RCAN1: variants seen among roughly 807,000 people sequenced by gnomAD.
The protein encoded by RCAN1 is calcipressin-1.
RCAN1 carries 11 observed loss-of-function variants against 22.9 expected under a neutral mutation model. The ratio of observed to expected loss-of-function variants is 0.48; its 90% CI spans 0.30 to 0.79. RCAN1 has a LOEUF of 0.79. RCAN1 is among the 30% of genes least tolerant of loss of function. RCAN1 has a pLI of 0.06. For missense variants in RCAN1, 291 were observed against 337.8 expected, an observed-to-expected ratio of 0.86 and a Z score of 1.09; for synonymous variants, 136 against 142.3, an observed-to-expected ratio of 0.96 and a Z score of 0.32.
At chr21:34,534,315 G>A (rs1189347946) in intron 1 of RCAN1, among the ~76,000 whole-genome samples, 1 of 151,814 alleles carries the variant, frequency 6.6e-6, no homozygotes, top group African/African-American at 2.4e-5. Context: ...TTGAACTCTT[G>A]TTCATCCTTT....
intron 1 of RCAN1, chr21:34,559,153 A>C (rs1986697145): frequency 6.6e-6 from 1 of 152,236 alleles, no homozygotes; most frequent in Non-Finnish European, 1.5e-5. Context: ...GATGTAGTCT[A>C]CTTATTCCAG....
intron 1 of RCAN1, among the ~76,000 whole-genome samples, chr21:34,534,873 C>T (rs759574135): frequency 1.3e-5 from 2 of 152,138 alleles, no homozygotes; most frequent in Admixed American, 6.5e-5. Flanking sequence ...GGCACTGGCC[C>T]GCACCATCAC....
chr21:34,584,655 G>A (rs149208385), intron 1 of RCAN1, among the ~76,000 whole-genome samples: 1 of 152,188 alleles, frequency 6.6e-6, no homozygotes, highest in Non-Finnish European at 1.5e-5. Context: ...GGACAGCCAG[G>A]GGGAAAACTA....
intron 1 of RCAN1, among the ~76,000 whole-genome samples, chr21:34,552,976 A>T (rs1986422266): frequency 6.6e-6 from 1 of 152,206 alleles, no homozygotes; most frequent in Non-Finnish European, 1.5e-5. Context: ...AGAAGACTGG[A>T]ACATAACTGC....
In RCAN1 at chr21:34,614,999, C is replaced by T; in HGVS notation, c.13G>A (p.Val5Met). 1 of 1,082,692 alleles carries T rather than the reference C, an allele frequency of 9.2e-7. No homozygotes were observed. Among genetic ancestry groups the T allele is most frequent in the Non-Finnish European group, 1.1e-6 (1 of 896,966 alleles). 67.1% of individuals were successfully genotyped at this position (1,082,692 alleles called of 1,614,324 possible). A position where few individuals can be genotyped will look rare whatever the true frequency, so the allele number is the denominator to read the frequency against. MEDGVAGPQLGAAAE... is the reference protein window; with the variant it reads MEDGMAGPQLGAAAE... ...GCGGCCCCGAGCTGGGGACCGGCCA[C>T]GCCGTCCTCCATCCCCGCGCCCGCG... The change falls in exon 1 of 4, where the codon GTG (valine) becomes ATG (methionine). Residue 5 changes from valine (V) to methionine (M), a missense_variant. Val to Met is a conservative substitution (Grantham distance 21). Transcript: ENST00000313806. This position sits in a 1 kb window ranked among gnomAD's most constrained non-coding sequence, Gnocchi z 6.0.
intron 1 of RCAN1, chr21:34,525,408 A>G (rs1262030490): frequency 2.1e-6 from 3 of 1,431,516 alleles, no homozygotes; most frequent in East Asian, 5.1e-5. Context: ...CGGACGGTAG[A>G]GTTCATCTGG....
Position 34,521,687 on chromosome 21 carries a change from T to C in RCAN1, c.427-29A>G, listed in dbSNP as rs182894959. ...AGGAGAGAAAATAAGCACAGGTCAG[T>C]TGTTGCCAGGGAAGAACTGCAGTGA... On this transcript the variant is annotated intron_variant, in intron 2 of 3. Transcript: ENST00000313806. 409 of 1,577,772 alleles carry C rather than the reference T, an allele frequency of 2.6e-4. 2 individuals carry two copies. The African/African-American group carries it at 5.1e-3, about 20-fold the overall frequency.
intron 1 of RCAN1, chr21:34,525,449 T>C (rs578070571): frequency 3.6e-6 from 5 of 1,372,664 alleles, no homozygotes; most frequent in Admixed American, 3.0e-5. Flanking sequence ...CCACCTCTCT[T>C]GAGCACGGGC....
At chr21:34,568,002 G>A (rs931468315) in intron 1 of RCAN1, among the ~76,000 whole-genome samples, 3 of 152,192 alleles carry the variant, frequency 2.0e-5, no homozygotes, top group African/African-American at 4.8e-5. Context: ...GAAGGGGCTC[G>A]GCTCTGGGAG....
chr21:34,573,139 C>T (rs1262158144), intron 1 of RCAN1, among the ~76,000 whole-genome samples: 1 of 152,174 alleles, frequency 6.6e-6, no homozygotes, highest in Non-Finnish European at 1.5e-5. Context: ...GGTTTTACAA[C>T]AGTGATCAAA....
intron 1 of RCAN1, chr21:34,526,825 A>G: frequency 6.5e-7 from 1 of 1,539,280 alleles, no homozygotes; most frequent in Non-Finnish European, 8.7e-7. Context: ...AAGAGGCTGT[A>G]GGTTCCTTCT....
intron 1 of RCAN1, among the ~76,000 whole-genome samples, chr21:34,557,595 C>T (rs1055299959): frequency 6.6e-6 from 1 of 152,228 alleles, no homozygotes; most frequent in Admixed American, 6.5e-5. Context: ...GTGACAGATT[C>T]AGTTACATTA....
At chr21:34,553,247 G>A (rs1359883649) in intron 1 of RCAN1, among the ~76,000 whole-genome samples, 2 of 152,212 alleles carry the variant, frequency 1.3e-5, no homozygotes, top group African/African-American at 2.4e-5. Context: ...CACAGTGGGG[G>A]TGGAGATCCA....
intron 1 of RCAN1, among the ~76,000 whole-genome samples, chr21:34,536,661 ACACCAC>A (rs11278136): frequency 0.094 from 14,229 of 152,148 alleles, 1,078 homozygotes; most frequent in African/African-American, 0.2. Flanking sequence ...GTCCAGGCAC[ACACCAC>A]GCCGGCACCT....
intron 1 of RCAN1, chr21:34,526,518 T>C: frequency 1.3e-6 from 1 of 796,942 alleles, no homozygotes; most frequent in Non-Finnish European, 1.9e-6. Flanking sequence ...CAGCTTTTGA[T>C]TTTCAAGGCT....
intron 1 of RCAN1, among the ~76,000 whole-genome samples, chr21:34,542,306 T>C (rs1985946378): frequency 1.3e-5 from 2 of 152,162 alleles, no homozygotes; most frequent in African/African-American, 2.4e-5. Context: ...TGACACTATA[T>C]GGTGGAAAAG....
At position 34,518,079 on chromosome 21, in the gene RCAN1, C is replaced by T; in HGVS notation, c.*5G>A. The T allele has an allele frequency of 1.9e-6, 3 of 1,613,992 alleles. No homozygotes were observed. The South Asian group carries it at 3.3e-5, about 18-fold the overall frequency. The stretch of plus-strand genomic sequence containing the variant: ...ATTTGGAATGCGTCCTCGTCGCGTG[C>T]CAGTTCAGCTGAGGTGGATCGGCGT... On this transcript the variant is annotated 3_prime_UTR_variant, in exon 4 of 4. Transcript: ENST00000313806. The surrounding 1 kb of genome is among the most constrained non-coding windows in gnomAD (Gnocchi z 4.2).
intron 1 of RCAN1, among the ~76,000 whole-genome samples, chr21:34,600,619 A>T (rs1044950449): frequency 7.2e-5 from 11 of 152,188 alleles, no homozygotes; most frequent in Admixed American, 2.6e-4. Context: ...AAGTTGTGCT[A>T]AGAAGCCTAG....
chr21:34,558,473 A>C (rs1986667967), intron 1 of RCAN1, among the ~76,000 whole-genome samples: 2 of 152,230 alleles, frequency 1.3e-5, no homozygotes, highest in African/African-American at 4.8e-5. Flanking sequence ...TCAGGAAAGG[A>C]AATGATCAAG....
Sources: gnomAD v4.1 joint callset for allele counts (sites outside exome capture counted in the v4.1 genomes callset) on GRCh38, gnomAD v4.1.1 for gene constraint, Gnocchi (gnomAD v3.1) non-coding constraint, MANE v1.5 for transcripts, NCBI Gene and HGNC (gene_info 2026-07-23, HGNC 2026-07-21) for gene names.